Variants in BAZ2B observed in about 807,000 individuals in gnomAD.
BAZ2B encodes the protein bromodomain adjacent to zinc finger domain 2B.
In BAZ2B, 91 loss-of-function variants were observed where a neutral mutation model predicts 246.0. The observed-to-expected ratio is 0.37, with a 90% CI of 0.31 to 0.44. The LOEUF (loss-of-function observed/expected upper bound fraction) is 0.44. BAZ2B is among the 20% of genes least tolerant of loss of function. BAZ2B has a pLI of 1.00. For missense variants in BAZ2B, 2,332 were observed against 2,533.7 expected (o/e 0.92, Z 1.71); for synonymous variants, 855 against 860.0 (o/e 0.99, Z 0.10).
intron 1 of BAZ2B, among the ~76,000 whole-genome samples, chr2:159,572,285 C>A (rs1451489632): frequency 6.6e-6 from 1 of 152,192 alleles, no homozygotes; most frequent in East Asian, 1.9e-4. Flanking sequence ...TAGCAAATAA[C>A]TGAAACTGAA....
At chr2:159,395,877 T>C in intron 19 of BAZ2B, 43 bp from the exon 20 acceptor site, 1 of 1,523,614 alleles carries the variant, frequency 6.6e-7, no homozygotes, top group South Asian at 1.2e-5. Context: ...CAGCCACAAT[T>C]AACAGTTTGA....
chr2:159,576,942 GT>G (rs1342904273), intron 1 of BAZ2B, among the ~76,000 whole-genome samples: 1 of 123,098 alleles, frequency 8.1e-6, no homozygotes, highest in Non-Finnish European at 1.7e-5. Context: ...AAAGGAAAGT[GT>G]GGCCAGGCAC....
chr2:159,366,536 T>C (rs888629), intron 27 of BAZ2B, among the ~76,000 whole-genome samples: 23,182 of 152,222 alleles, frequency 0.15, 2,440 homozygotes, highest in African/African-American at 0.3. Flanking sequence ...GTGTCAAGGA[T>C]ACAAGCTTTC....
chr2:159,682,191 CTTTTT>C, the BAZ2B span, among the ~76,000 whole-genome samples: 5 of 111,762 alleles, frequency 4.5e-5, no homozygotes, highest in African/African-American at 6.3e-5. Context: ...TGCTCAGGCT[CTTTTT>C]TTTTTTTTTT....
At chr2:159,651,923 C>T in the BAZ2B span, among the ~76,000 whole-genome samples, 61 of 152,192 alleles carry the variant, frequency 4.0e-4, no homozygotes, top group African/African-American at 1.4e-3. Context: ...ATGAATAGAT[C>T]ACATTTTATT....
chr2:159,409,032 T>A (rs1224997784), intron 14 of BAZ2B, among the ~76,000 whole-genome samples: 1 of 151,552 alleles, frequency 6.6e-6, no homozygotes, highest in Non-Finnish European at 1.5e-5. Context: ...ACTTCCAGTA[T>A]CTTCTCATTT....
At chr2:159,436,739 A>T (rs1442415444) in intron 8 of BAZ2B, among the ~76,000 whole-genome samples, 1 of 152,174 alleles carries the variant, frequency 6.6e-6, no homozygotes, top group Non-Finnish European at 1.5e-5. Context: ...CAACAGAGCG[A>T]GACTCTGTCT....
chr2:159,670,515 C>T, the BAZ2B span, among the ~76,000 whole-genome samples: 59 of 152,160 alleles, frequency 3.9e-4, no homozygotes, highest in African/African-American at 1.2e-3. Context: ...ACATACCATA[C>T]GTTGTTATAG....
At position 159,478,542 on chromosome 2, in the gene BAZ2B, C is replaced by T. The variant is rs1328643824; in HGVS notation, c.145+33G>A. On this transcript the variant is annotated intron_variant, in intron 3 of 36. Coordinates refer to ENST00000392783, the MANE Select transcript of BAZ2B (RefSeq NM_013450.4). ...ATTATGCAAATTATTAAAAGAATGGCATTCTAAAATTGAGTTAAAAAAGGG... is the reference window on the plus strand; with the variant it reads ...ATTATGCAAATTATTAAAAGAATGGTATTCTAAAATTGAGTTAAAAAAGGG... The T allele has an allele frequency of 1.9e-6, 3 of 1,561,946 alleles. No individual in the cohort carries two copies. In the East Asian group the frequency reaches 7.0e-5, roughly 36 times the overall value.
chr2:159,375,760 C>T (rs757905373), intron 25 of BAZ2B, among the ~76,000 whole-genome samples: 37 of 152,126 alleles, frequency 2.4e-4, no homozygotes, highest in Non-Finnish European at 4.4e-4. Flanking sequence ...GTCTTGCCAG[C>T]TCATGAATAT....
upstream of BAZ2B, among the ~76,000 whole-genome samples, chr2:159,619,642 T>C (rs925910326): frequency 4.6e-5 from 7 of 151,734 alleles, no homozygotes; most frequent in African/African-American, 1.4e-4. Flanking sequence ...ATTTAATCTG[T>C]ATTTTTAAAC....
intron 3 of BAZ2B, among the ~76,000 whole-genome samples, chr2:159,458,165 G>A (rs1451522115): frequency 1.3e-5 from 2 of 151,598 alleles, no homozygotes; most frequent in African/African-American, 2.4e-5. Context: ...GTGCCACTAC[G>A]TCCAGCTAAT....
chr2:159,428,117 G>C, intron 12 of BAZ2B, 75 bp from the exon 13 acceptor site: 1 of 1,380,514 alleles, frequency 7.2e-7, no homozygotes, highest in Admixed American at 1.8e-5. Flanking sequence ...CTAGCTTCAG[G>C]ACACTAATGT....
At chr2:159,620,779 G>A (rs1696401061), upstream of BAZ2B, among the ~76,000 whole-genome samples, 1 of 152,184 alleles carries the variant, frequency 6.6e-6, no homozygotes, top group African/African-American at 2.4e-5. Context: ...TGACCAAGAT[G>A]AAGGCTGGGA....
At chr2:159,598,555 A>T (rs1168721206) in intron 1 of BAZ2B, among the ~76,000 whole-genome samples, 1 of 152,180 alleles carries the variant, frequency 6.6e-6, no homozygotes, top group African/African-American at 2.4e-5. Context: ...TCAAAAACTC[A>T]AGAAATAATT....
At chr2:159,340,872 C>T (rs183655969) in intron 31 of BAZ2B, among the ~76,000 whole-genome samples, 7 of 152,074 alleles carry the variant, frequency 4.6e-5, no homozygotes, top group Admixed American at 1.3e-4. Flanking sequence ...TTATTACACA[C>T]ATAATTTTAA....
intron 2 of BAZ2B, among the ~76,000 whole-genome samples, chr2:159,520,381 T>G (rs2084001278): frequency 6.6e-6 from 1 of 152,158 alleles, no homozygotes; most frequent in Admixed American, 6.6e-5. Flanking sequence ...ACTTTCAGGA[T>G]GGCTCTCTCT....
the BAZ2B span, among the ~76,000 whole-genome samples, chr2:159,626,164 C>T: frequency 6.6e-6 from 1 of 152,044 alleles, no homozygotes; most frequent in Non-Finnish European, 1.5e-5. Context: ...TACATGAGCA[C>T]CCAGATTCAT....
intron 1 of BAZ2B, among the ~76,000 whole-genome samples, chr2:159,585,555 A>C (rs915359034): frequency 6.6e-6 from 1 of 152,252 alleles, no homozygotes; most frequent in Admixed American, 6.5e-5. Flanking sequence ...ACTGGATTGG[A>C]TAAGAAGTCT....
Sources: gnomAD v4.1 joint callset for allele counts (sites outside exome capture counted in the v4.1 genomes callset) on GRCh38, gnomAD v4.1.1 for gene constraint, MANE v1.5 for transcripts, NCBI Gene and HGNC (gene_info 2026-07-23, HGNC 2026-07-21) for gene names.